CORO1B: variants seen among roughly 807,000 people sequenced by gnomAD.
CORO1B encodes coronin-1B.
CORO1B carries 30 observed loss-of-function variants against 51.1 expected under a neutral mutation model. The ratio of observed to expected loss-of-function variants is 0.59; its 90% CI spans 0.44 to 0.80. CORO1B has a LOEUF of 0.80. Among genes scored for constraint, CORO1B ranks in the 30% least tolerant of loss-of-function variants. The pLI, the probability that CORO1B is intolerant of heterozygous loss-of-function variation, is 0.00. For synonymous variants in CORO1B, 310 were observed against 289.7 expected, an observed-to-expected ratio of 1.07 and a Z score of -0.71; for missense variants, 648 against 700.4, an observed-to-expected ratio of 0.93 and a Z score of 0.84.
chr11:67,443,686 G>A (rs1864441781), upstream of CORO1B: 1 of 968,234 alleles, frequency 1.0e-6, no homozygotes, highest in African/African-American at 1.8e-5. Context: ...CCGGAAGAAG[G>A]GGGCGGGGCG....
In CORO1B at chr11:67,441,235, T is replaced by C; in HGVS notation, c.646A>G (p.Lys216Glu). The C allele has an allele frequency of 6.2e-7, 1 of 1,613,030 alleles. No homozygotes were observed. Among genetic ancestry groups the C allele is most frequent in the Non-Finnish European group, 8.5e-7 (1 of 1,179,954 alleles). The change falls in exon 6 of 11, where the codon AAG becomes GAG. Residue 216 changes from lysine to glutamate, a missense_variant. By Grantham distance (56) the Lys-to-Glu change is moderately conservative. Coordinates refer to ENST00000341356, the MANE Select transcript of CORO1B (RefSeq NM_020441.3). ...RRGTLVAEREKAHEGARPMRA... is the reference protein window; with the variant it reads ...RRGTLVAEREEAHEGARPMRA... ...ATGGGCCGGGCCCCCTCATGAGCCT[T>C]CTCCCGCTCCTGTCGGGGGGACAGG...
chr11:67,442,454 C>A lies in CORO1B; in HGVS notation c.175G>T (p.Ala59Ser). 1 of 1,613,338 alleles carries A rather than the reference C, an allele frequency of 6.2e-7. No homozygotes were observed. Among genetic ancestry groups the A allele is most frequent in the South Asian group, 1.1e-5 (1 of 91,084 alleles). The change falls in exon 2 of 11, where the codon GCC becomes TCC. Residue 59 changes from alanine (A) to serine (S), a missense_variant. Physicochemically the swap from Ala to Ser is moderately conservative, Grantham distance 99. Coordinates refer to ENST00000341356, the MANE Select transcript of CORO1B (RefSeq NM_020441.3). ...AVIVEASGGG[A>S]FLVLPLSKTG... The stretch of plus-strand genomic sequence containing the variant: ...TTGCTTAGGGGGAGCACCAGAAAGG[C>A]ACCCCCTCCACTGGCCTCCACAATC...
chr11:67,438,761 G>T lies in CORO1B; in HGVS notation c.1254C>A (p.Ala418=). 6.4e-7 allele frequency: 1 copy of T among 1,568,944 alleles called. No individual in the cohort carries two copies. ...CTAGGTGGGAGGAGCCCGGGGCCAT[G>T]GCGGGCCGGCTGTCAGACAACACGT... ...RRNVLSDSRP[A]MAPGSSHLGA... The change falls in exon 10 of 11, where the codon GCC becomes GCA. Residue 418 remains alanine, a synonymous_variant. Coordinates refer to ENST00000341356, the MANE Select transcript of CORO1B (RefSeq NM_020441.3).
rs138962974 is a variant in CORO1B at position 67,442,448 on chromosome 11, G to A, written c.181C>T (p.Leu61=). 27 of 1,613,282 alleles carry A rather than the reference G, an allele frequency of 1.7e-5. No individual in the cohort carries two copies. The African/African-American group carries it at 3.5e-4, about 21-fold the overall frequency. ...CCCACCTTGCTTAGGGGGAGCACCAGAAAGGCACCCCCTCCACTGGCCTCC... is the reference window on the plus strand; with the variant it reads ...CCCACCTTGCTTAGGGGGAGCACCAAAAAGGCACCCCCTCCACTGGCCTCC... The part of the protein sequence containing the change: ...IVEASGGGAF[L]VLPLSKTGRI... The change falls in exon 2 of 11, where the codon CTG becomes TTG. Residue 61 remains leucine, a synonymous_variant. Coordinates refer to ENST00000341356, the MANE Select transcript of CORO1B (RefSeq NM_020441.3).
chr11:67,442,597 T>C lies in CORO1B; in HGVS notation c.32A>G (p.Lys11Arg), dbSNP rs1864421526. 1 of 1,613,568 alleles carries C rather than the reference T, an allele frequency of 6.2e-7. No individual in the cohort carries two copies. The highest frequency in any genetic ancestry group is 2.2e-5 in the East Asian group (1 of 44,902). Residue 11 changes from lysine (K) to arginine (R), a missense_variant, in exon 2 of 11, where the codon AAA becomes AGA. Coordinates refer to ENST00000341356, the MANE Select transcript of CORO1B (RefSeq NM_020441.3). MSFRKVVRQS[K>R]FRHVFGQPVK... The stretch of plus-strand genomic sequence containing the variant: ...CGGCTGCCCGAACACATGCCGGAAT[T>C]TGCTCTGCCGGACCACTTTGCGGAA...
intron 8 of CORO1B, 24 bp downstream of exon 8, chr11:67,440,094 G>A (rs182870017): frequency 2.9e-5 from 46 of 1,594,190 alleles, no homozygotes; most frequent in East Asian, 1.8e-4. Context: ...CCCTATCCCC[G>A]AGTGGCCTCG....
Position 67,435,805 on chromosome 11 carries a change from A to T in CORO1B, c.*2571T>A, listed in dbSNP as rs1411537951. 1.3e-6 allele frequency: 2 copies of T among 1,597,606 alleles called. No homozygotes were observed. Among genetic ancestry groups the T allele is most frequent in the Non-Finnish European group, 1.7e-6 (2 of 1,172,648 alleles). On this transcript the variant is annotated 3_prime_UTR_variant, in exon 11 of 11. Coordinates refer to ENST00000341356, the MANE Select transcript of CORO1B (RefSeq NM_020441.3). ...TGTCATCCCAGGCTGCGCTGCCAGC[A>T]AAGGCGTGCAGGTCACTCAGCAGGG...
rs890318960 is a variant in CORO1B at position 67,437,364 on chromosome 11, G to A, written c.*1012C>T. The A allele has an allele frequency of 5.0e-6, 2 of 397,776 alleles. No homozygotes were observed. Among genetic ancestry groups the A allele is most frequent in the African/African-American group, 4.1e-5 (2 of 48,438 alleles). 24.6% of individuals were successfully genotyped at this position (397,776 alleles called of 1,614,324 possible). On this transcript the variant is annotated 3_prime_UTR_variant, in exon 11 of 11. Coordinates refer to ENST00000341356, the MANE Select transcript of CORO1B (RefSeq NM_020441.3). ...CAGGAATGCAAGTTCCCGCTCACAG[G>A]AAGACCAGGTAAGGGCCTTCCCAGG...
rs1443598761 is a variant in CORO1B at position 67,435,960 on chromosome 11, G to T, written c.*2416C>A. On this transcript the variant is annotated 3_prime_UTR_variant, in exon 11 of 11. Coordinates refer to ENST00000341356, the MANE Select transcript of CORO1B (RefSeq NM_020441.3). Reference sequence around the variant, plus strand: ...GGGCTGGACGCCTCTCCACATTGCTGCTCGCCTTCCCCAGGGTCAGCCTGC... The same window carrying T: ...GGGCTGGACGCCTCTCCACATTGCTTCTCGCCTTCCCCAGGGTCAGCCTGC... 6.2e-7 allele frequency: 1 copy of T among 1,613,620 alleles called. No individual in the cohort carries two copies. The highest frequency in any genetic ancestry group is 1.1e-5 in the South Asian group (1 of 91,090).
chr11:67,435,862 T>C lies in CORO1B; in HGVS notation c.*2514A>G, dbSNP rs374357125. 20 of 1,610,710 alleles carry C rather than the reference T, an allele frequency of 1.2e-5. No individual in the cohort carries two copies. The highest frequency in any genetic ancestry group is 1.7e-5 in the Non-Finnish European group (20 of 1,179,478). The stretch of plus-strand genomic sequence containing the variant: ...CACTGCCCCCTGCGCTCGCTGGTCC[T>C]GGGGAGCCGAGGACCAGGTCGCCCT... On this transcript the variant is annotated 3_prime_UTR_variant, in exon 11 of 11. Coordinates refer to ENST00000341356, the MANE Select transcript of CORO1B (RefSeq NM_020441.3).
In CORO1B at chr11:67,437,381, C is replaced by G. The variant is rs754858851; in HGVS notation, c.*995G>C. The G allele has an allele frequency of 2.4e-6, 1 of 415,988 alleles. No homozygotes were observed. Among genetic ancestry groups the G allele is most frequent in the Non-Finnish European group, 4.2e-6 (1 of 235,536 alleles). 25.8% of individuals were successfully genotyped at this position (415,988 alleles called of 1,614,324 possible). A position where few individuals can be genotyped will look rare whatever the true frequency, so the allele number is the denominator to read the frequency against. ...GCTCACAGGAAGACCAGGTAAGGGC[C>G]TTCCCAGGGCTCCTGACAGGGGCCT... On this transcript the variant is annotated 3_prime_UTR_variant, in exon 11 of 11. Coordinates refer to ENST00000341356, the MANE Select transcript of CORO1B (RefSeq NM_020441.3).
chr11:67,442,529 C>T lies in CORO1B; in HGVS notation c.100G>A (p.Val34Ile). 3 of 1,613,786 alleles carry T rather than the reference C, an allele frequency of 1.9e-6. No individual in the cohort carries two copies. The highest frequency in any genetic ancestry group is 1.7e-5 in the Admixed American group (1 of 60,030). Residue 34 changes from valine (V) to isoleucine (I), a missense_variant, in exon 2 of 11, where the codon GTT becomes ATT. Val to Ile is a conservative substitution (Grantham distance 29, BLOSUM62 3). Transcript: ENST00000341356. ...GCGCAGAAGGTGCTGTCCCAGGTAA[C>T]ACGGGACACGCGAATGTCCTCATAG... is the stretch of plus-strand genomic sequence containing the variant. ...QCYEDIRVSR[V>I]TWDSTFCAVN...
chr11:67,442,385 T>G, intron 2 of CORO1B, 43 bp downstream of exon 2: 8 of 1,591,838 alleles, frequency 5.0e-6, no homozygotes, highest in Non-Finnish European at 6.9e-6. Context: ...CCAGTAGGGG[T>G]GGCCGAGGTG....
rs111451405 is a variant in CORO1B, at chr11:67,442,044, C to T, written c.246G>A (p.Thr82=). The part of the protein sequence containing the change: ...DKAYPTVCGH[T]GPVLDIDWCP... ...ACCAGTCGATGTCCAGGACAGGTCC[C>T]GTGTGCCCACACACCGTCGGGTAGG... The change falls in exon 3 of 11, where the codon ACG becomes ACA. Residue 82 remains threonine (T), a synonymous_variant. Transcript: ENST00000341356. 0.014 allele frequency: 23,092 copies of T among 1,613,084 alleles called. 3,237 individuals carry two copies. In the Admixed American group the frequency reaches 0.29, roughly 20 times the overall value.
rs1043551 is a variant in CORO1B, at chr11:67,438,157, G to A, written c.*219C>T. 9.8e-6 allele frequency: 5 copies of A among 508,798 alleles called. No homozygotes were observed. The highest frequency in any genetic ancestry group is 3.4e-6 in the Non-Finnish European group (1 of 296,682). The allele number at this position is 508,798 out of a possible 1,614,324, so 31.5% of individuals were successfully genotyped here. ...CAGTGGTCGGGGAGATGGTCCCTCA[G>A]AGGTCGAGGAGCTCGCCTGGGCGTA... On this transcript the variant is annotated 3_prime_UTR_variant, in exon 11 of 11. Transcript: ENST00000341356.
rs1286470234 is a variant in CORO1B at position 67,441,208 on chromosome 11, G to C, written c.673C>G (p.Arg225Gly). The C allele has an allele frequency of 6.2e-7, 1 of 1,613,138 alleles. No homozygotes were observed. The highest frequency in any genetic ancestry group is 2.2e-5 in the East Asian group (1 of 44,882). ...TTGCCATCTGCCAGGAAGATGGCCC[G>C]CATGGGCCGGGCCCCCTCATGAGCC... Reference protein sequence around the residue: ...EKAHEGARPMRAIFLADGKVF... With the variant: ...EKAHEGARPMGAIFLADGKVF... Residue 225 changes from arginine to glycine, a missense_variant, in exon 6 of 11, where the codon CGG becomes GGG. By Grantham distance (125) the Arg-to-Gly change is moderately radical. Transcript: ENST00000341356.
Position 67,438,868 on chromosome 11 carries a change from G to A in CORO1B, c.1147C>T (p.Arg383Trp), listed in dbSNP as rs1310618901. 23 of 1,607,788 alleles carry A rather than the reference G, an allele frequency of 1.4e-5. No homozygotes were observed. The highest frequency in any genetic ancestry group is 2.2e-5 in the East Asian group (1 of 44,754). Reference sequence around the variant, plus strand: ...GAGATGAGGATCGGGTCGGCATCCCGCCCGCTCACCCACTCCTCAGCCTCC... The same window carrying A: ...GAGATGAGGATCGGGTCGGCATCCCACCCGCTCACCCACTCCTCAGCCTCC... ...ALEAEEWVSG[R>W]DADPILISLR... is the part of the protein sequence containing the mutation. Residue 383 changes from arginine to tryptophan, a missense_variant, in exon 10 of 11, where the codon CGG becomes TGG. Coordinates refer to ENST00000341356, the MANE Select transcript of CORO1B (RefSeq NM_020441.3).
chr11:67,440,932 C>A, intron 6 of CORO1B, 193 bp downstream of exon 6: 2 of 734,940 alleles, frequency 2.7e-6, no homozygotes, highest in South Asian at 3.3e-5. Context: ...CAGTGGGAGG[C>A]CATGGGGGAG....
rs1864283048 is a variant in CORO1B, at chr11:67,436,463, G to A, written c.*1913C>T. ...TTTTTTTCTCTTTGGGATCCTCTTG[G>A]GACAGCCAAGCAGAAAAGGCCAAGG... On this transcript the variant is annotated 3_prime_UTR_variant, in exon 11 of 11. Transcript: ENST00000341356. 4.0e-6 allele frequency: 5 copies of A among 1,253,220 alleles called. No individual in the cohort carries two copies. Among genetic ancestry groups the A allele is most frequent in the Middle Eastern group, 2.8e-4 (1 of 3,546 alleles). The allele number at this position is 1,253,220 out of a possible 1,614,324, so 77.6% of individuals were successfully genotyped here.
Sources: gnomAD v4.1 joint callset for allele counts on GRCh38, gnomAD v4.1.1 for gene constraint, MANE v1.5 for transcripts, NCBI Gene and HGNC (gene_info 2026-07-23, HGNC 2026-07-21) for gene names.